The following KMT2D variants were observed in gnomAD, a reference collection of about 807,000 sequenced individuals.
KMT2D encodes the protein lysine methyltransferase 2D, also known as histone-lysine N-methyltransferase 2D.
Under a neutral mutation model 512.7 loss-of-function variants are expected in KMT2D, and 55 were observed. The ratio of observed to expected loss-of-function variants is 0.11; its 90% CI spans 0.09 to 0.13. The LOEUF (loss-of-function observed/expected upper bound fraction) is 0.13. Ranked by LOEUF, KMT2D falls within the 10% of genes least tolerant of loss-of-function variation. KMT2D has a pLI of 1.00. For synonymous variants in KMT2D, 2,995 were observed against 2,904.0 expected (o/e 1.03, Z -1.01); for missense variants, 6,061 against 7,127.9 (o/e 0.85, Z 5.39).
rs376180339 is a variant in KMT2D, at chr12:49,043,368, G to A, written c.5528C>T (p.Thr1843Ile). 3.1e-6 allele frequency: 5 copies of A among 1,613,892 alleles called. No homozygotes were observed. The highest frequency in any genetic ancestry group is 4.5e-5 in the East Asian group (2 of 44,876). Residue 1843 changes from threonine (T) to isoleucine (I), a missense_variant, in exon 25 of 55, where the codon ACA becomes ATA. Thr to Ile is a moderately conservative substitution (Grantham distance 89, BLOSUM62 -1). Transcript: ENST00000301067. ...ESRGLEGKAD[T>I]PGPEDGGVKA... ...GTAACCCCGGCAGCCCTCACCTGGT[G>A]TATCGGCTTTGCCCTCGAGGCCACG... is the stretch of plus-strand genomic sequence containing the variant.
rs746471452 is a variant in KMT2D, at chr12:49,026,307, C to T, written c.15659G>A (p.Arg5220His). The stretch of plus-strand genomic sequence containing the variant: ...ATAGCAGCAGCGACGATTGTTGGTG[C>T]GGAGGCTCCAATAGATGCGCGTGGC... ...YEATRIYWSL[R>H]TNNRRCCYRC... Residue 5220 changes from arginine to histidine, a missense_variant, in exon 49 of 55, where the codon CGC becomes CAC. Transcript: ENST00000301067. This position sits in a 1 kb window ranked among gnomAD's most constrained non-coding sequence, Gnocchi z 9.6. The T allele has an allele frequency of 1.1e-5, 17 of 1,611,966 alleles. No homozygotes were observed. Among genetic ancestry groups the T allele is most frequent in the Middle Eastern group, 1.7e-4 (1 of 6,058 alleles).
Position 49,057,293 on chromosome 12 carries a change from C to T in KMT2D, c.-37-1932G>A, listed in dbSNP as rs140182639. 3.1e-3 allele frequency among the ~76,000 whole-genome samples: 471 copies of T among 152,302 alleles called. 1 individual carries two copies. The highest frequency in any genetic ancestry group is 5.2e-3 in the Non-Finnish European group (351 of 68,036). ...TACATACCCCTAAAGATCCTCTACC[C>T]GCTCTGGTCTCAAAGTTGAGGCCAA... On this transcript the variant is annotated intron_variant, in intron 1 of 54. Coordinates refer to ENST00000301067, the MANE Select transcript of KMT2D (RefSeq NM_003482.4).
In KMT2D at chr12:49,019,081, A is replaced by G; in HGVS notation, c.*2699T>C. 1 of 1,246,476 alleles carries G rather than the reference A, an allele frequency of 8.0e-7. No individual in the cohort carries two copies. The highest frequency in any genetic ancestry group is 1.0e-6 in the Non-Finnish European group (1 of 989,874). The allele number at this position is 1,246,476 out of a possible 1,614,324, so 77.2% of individuals were successfully genotyped here. Reference sequence around the variant, plus strand: ...CTCGCAACATAAATATGTACAGTTCAGAATGATCGCTGATACAAAACATGC... The same window carrying G: ...CTCGCAACATAAATATGTACAGTTCGGAATGATCGCTGATACAAAACATGC... On this transcript the variant is annotated 3_prime_UTR_variant, in exon 55 of 55. Transcript: ENST00000301067.
In KMT2D at chr12:49,027,719, A is replaced by G. The variant is rs563323134; in HGVS notation, c.14643+84T>C. On this transcript the variant is annotated intron_variant, in intron 48 of 54. Transcript: ENST00000301067. The stretch of plus-strand genomic sequence containing the variant: ...ATTCACTCGCCTTGCCTCCCAAAGC[A>G]CTGGGATTACAGATGTGAGCCACCG... 21 of 1,499,590 alleles carry G rather than the reference A, an allele frequency of 1.4e-5. No individual in the cohort carries two copies. The East Asian group carries it at 4.4e-4, about 32-fold the overall frequency. The allele number at this position is 1,499,590 out of a possible 1,614,324, so 92.9% of individuals were successfully genotyped here.
rs894767234 is a variant in KMT2D at position 49,060,282 on chromosome 12, G to A, written c.-707C>T. 3.9e-5 allele frequency among the ~76,000 whole-genome samples: 6 copies of A among 152,102 alleles called. No individual in the cohort carries two copies. Among genetic ancestry groups the A allele is most frequent in the African/African-American group, 9.7e-5 (4 of 41,440 alleles). Reference sequence around the variant, plus strand: ...CTTCTGCTCCCCCCGGGGAAGGGAGGAGGCTAGGTAGGCGAGGAAAAGGAA... The same window carrying A: ...CTTCTGCTCCCCCCGGGGAAGGGAGAAGGCTAGGTAGGCGAGGAAAAGGAA... On this transcript the variant is annotated 5_prime_UTR_variant, in exon 1 of 55. Transcript: ENST00000301067.
rs752443701 is a variant in KMT2D, at chr12:49,046,045, A to C, written c.4693+20T>G. ...TACCCCTGCTCTGACTCCTCCCCCT[A>C]CCCAGCAGCTGGTACTCACCCACAG... is the stretch of plus-strand genomic sequence containing the variant. On this transcript the variant is annotated intron_variant, in intron 18 of 54. Coordinates refer to ENST00000301067, the MANE Select transcript of KMT2D (RefSeq NM_003482.4). This position sits in a 1 kb window ranked among gnomAD's most constrained non-coding sequence, Gnocchi z 4.2. 1.6e-5 allele frequency: 25 copies of C among 1,611,242 alleles called. No individual in the cohort carries two copies. Among genetic ancestry groups the C allele is most frequent in the Admixed American group, 1.2e-4 (7 of 59,572 alleles).
In KMT2D at chr12:49,050,449, G is replaced by A. The variant is rs773682540; in HGVS notation, c.3139C>T (p.Leu1047=). ...AACGGGGAGGGAACGGACAGTGGTA[G>A]GGCAGGAGGAGAGCACTGGGAAGGA... The part of the protein sequence containing the change: ...SPPSQCSPPA[L]PLSVPSPLSP... Residue 1047 remains leucine, a synonymous_variant, in exon 12 of 55, where the codon CTA becomes TTA. Transcript: ENST00000301067. The A allele has an allele frequency of 6.2e-7, 1 of 1,613,996 alleles. No individual in the cohort carries two copies. Among genetic ancestry groups the A allele is most frequent in the Non-Finnish European group, 8.5e-7 (1 of 1,179,862 alleles).
At position 49,047,406 on chromosome 12, in the gene KMT2D, CTTTTTTTTTT is replaced by C. The variant is rs57252968; in HGVS notation, c.4236+549_4236+558del. ...ACCGAATTAGGTCCCCCAGTTTTTC[CTTTTTTTTTT>C]TTTTTTTTTTTTTTTGAGACGGATC... On this transcript the variant is annotated intron_variant, in intron 15 of 54. Coordinates refer to ENST00000301067, the MANE Select transcript of KMT2D (RefSeq NM_003482.4). Among the ~76,000 whole-genome samples the C allele has an allele frequency of 6.5e-3, 615 of 93,934 alleles. 4 individuals are homozygous for C. The highest frequency in any genetic ancestry group is 0.026 in the African/African-American group (574 of 21,792). The allele number at this position is 93,934 out of a possible 152,430, so 61.6% of individuals were successfully genotyped here.
At chr12:49,030,864 A>G in intron 41 of KMT2D, 29 bp downstream of exon 41, 1 of 1,613,350 alleles carries the variant, frequency 6.2e-7, no homozygotes, top group Non-Finnish European at 8.5e-7. Flanking sequence ...CTGGGATGGG[A>G]CCAGGGGGAC....
rs759354387 is a variant in KMT2D at position 49,043,097 on chromosome 12, A to G, written c.5623T>C (p.Leu1875=). 3 of 1,613,864 alleles carry G rather than the reference A, an allele frequency of 1.9e-6. No homozygotes were observed. The Admixed American group carries it at 5.0e-5, about 27-fold the overall frequency. The stretch of plus-strand genomic sequence containing the variant: ...TCACCTTCTGTGGAAATCCTGTCTA[A>G]GTCAGAGCTAAGCATCCCTTCACCT... ...TPGEGMLSSD[L]DRISTEELPK... The change falls in exon 26 of 55, where the codon TTA becomes CTA. Residue 1875 remains leucine, a synonymous_variant. Transcript: ENST00000301067.
chr12:49,046,134 C>T lies in KMT2D; in HGVS notation c.4624G>A (p.Asp1542Asn), dbSNP rs1433378692. The T allele has an allele frequency of 3.1e-6, 5 of 1,610,818 alleles. No individual in the cohort carries two copies. The highest frequency in any genetic ancestry group is 3.4e-5 in the Admixed American group (2 of 59,474). The change falls in exon 18 of 55, where the codon GAT becomes AAT. Residue 1542 changes from aspartate to asparagine, a missense_variant. Asp to Asn is a conservative substitution (Grantham distance 23). Around this residue, in one of 16 missense-constraint regions of KMT2D, gnomAD observed 640 missense variants for 814.3 expected, o/e 0.79. Transcript: ENST00000301067. The surrounding 1 kb of genome is among the most constrained non-coding windows in gnomAD (Gnocchi z 4.2). ...AGCESLFTED[D>N]VEQAADEGFD... ...CCTTCATCGGCTGCCTGCTCCACAT[C>T]GTCCTCTGTGAAGAGGCTCTCACAG...
At position 49,037,375 on chromosome 12, in the gene KMT2D, C is replaced by T. The variant is rs376211722; in HGVS notation, c.9981G>A (p.Gln3327=). The change falls in exon 35 of 55, where the codon CAG becomes CAA. Residue 3327 remains glutamine, a synonymous_variant. Transcript: ENST00000301067. ...LAGARQPGLP[Q]PLMPTQPPAH... is the part of the protein sequence containing the mutation. ...CTGGTGGCTGGGTGGGCATCAGTGG[C>T]TGGGGCAAACCTGGCTGTCGGGCAC... 12 of 1,609,842 alleles carry T rather than the reference C, an allele frequency of 7.5e-6. No homozygotes were observed. Among genetic ancestry groups the T allele is most frequent in the Admixed American group, 1.7e-5 (1 of 59,388 alleles).
Position 49,039,952 on chromosome 12 carries a change from C to G in KMT2D, c.7818G>C (p.Gly2606=), listed in dbSNP as rs370261310. 3 of 1,613,894 alleles carry G rather than the reference C, an allele frequency of 1.9e-6. No homozygotes were observed. Among genetic ancestry groups the G allele is most frequent in the South Asian group, 2.2e-5 (2 of 91,064 alleles). The part of the protein sequence containing the change: ...PSSGSTGESY[G]LSPLRPPSVL... ...CCGACGGAGGGCGTAGTGGGGACAGCCCATAGCTCTCCCCTGTGGACCCGC... is the reference window on the plus strand; with the variant it reads ...CCGACGGAGGGCGTAGTGGGGACAGGCCATAGCTCTCCCCTGTGGACCCGC... Residue 2606 remains glycine (G), a synonymous_variant, in exon 32 of 55, where the codon GGG becomes GGC. Transcript: ENST00000301067. The surrounding 1 kb of genome is among the most constrained non-coding windows in gnomAD (Gnocchi z 5.0).
At position 49,043,373 on chromosome 12, in the gene KMT2D, G is replaced by C. The variant is rs202165318; in HGVS notation, c.5523C>G (p.Ala1841=). 4 of 1,613,800 alleles carry C rather than the reference G, an allele frequency of 2.5e-6. No homozygotes were observed. The highest frequency in any genetic ancestry group is 3.4e-6 in the Non-Finnish European group (4 of 1,179,844). The change falls in exon 25 of 55, where the codon GCC becomes GCG. Residue 1841 remains alanine (A), a synonymous_variant. Coordinates refer to ENST00000301067, the MANE Select transcript of KMT2D (RefSeq NM_003482.4). ...DEESRGLEGK[A]DTPGPEDGGV... ...CCCGGCAGCCCTCACCTGGTGTATC[G>C]GCTTTGCCCTCGAGGCCACGGGATT...
At position 49,051,153 on chromosome 12, in the gene KMT2D, G is replaced by T. The variant is rs1196290590; in HGVS notation, c.2530C>A (p.Pro844Thr). 1 of 1,519,054 alleles carries T rather than the reference G, an allele frequency of 6.6e-7. No individual in the cohort carries two copies. Among genetic ancestry groups the T allele is most frequent in the Admixed American group, 2.2e-5 (1 of 45,514 alleles). The allele number at this position is 1,519,054 out of a possible 1,614,324, so 94.1% of individuals were successfully genotyped here. A position where few individuals can be genotyped will look rare whatever the true frequency, so the allele number is the denominator to read the frequency against. Reference protein sequence around the residue: ...SPQSEEPCLSPRPEESHLSPE... With the variant: ...SPQSEEPCLSTRPEESHLSPE... ...GACAGATGCGATTCCTCAGGCCGGG[G>T]GGACAGGCATGGCTCCTCAGACTGG... Residue 844 changes from proline (P) to threonine (T), a missense_variant, in exon 11 of 55, where the codon CCC becomes ACC. Pro to Thr is a conservative substitution (Grantham distance 38). Coordinates refer to ENST00000301067, the MANE Select transcript of KMT2D (RefSeq NM_003482.4).
Position 49,019,237 on chromosome 12 carries a change from T to A in KMT2D, c.*2543A>T. On this transcript the variant is annotated 3_prime_UTR_variant, in exon 55 of 55. Transcript: ENST00000301067. ...ACACAAAATAAAGTCTTCACGGGAT[T>A]CACACTTGTCAGCGATTTATTTTTT... 1 of 887,860 alleles carries A rather than the reference T, an allele frequency of 1.1e-6. No individual in the cohort carries two copies. Among genetic ancestry groups the A allele is most frequent in the Non-Finnish European group, 1.4e-6 (1 of 716,972 alleles). The allele number at this position is 887,860 out of a possible 1,614,324, so 55.0% of individuals were successfully genotyped here. A position where few individuals can be genotyped will look rare whatever the true frequency, so the allele number is the denominator to read the frequency against.
rs774475408 is a variant in KMT2D, at chr12:49,050,799, A to G, written c.2798-9T>C. 1 of 1,591,756 alleles carries G rather than the reference A, an allele frequency of 6.3e-7. No homozygotes were observed. Among genetic ancestry groups the G allele is most frequent in the Non-Finnish European group, 8.6e-7 (1 of 1,166,058 alleles). On this transcript the variant is annotated splice_polypyrimidine_tract_variant and intron_variant, in intron 11 of 54. Coordinates refer to ENST00000301067, the MANE Select transcript of KMT2D (RefSeq NM_003482.4). ...TGGAGGAGGAAGGGGATCTGGAAGG[A>G]AAGAGAAAAAAGAAGGGCTCTTAGA...
In KMT2D at chr12:49,027,083, G is replaced by A. The variant is rs770276955; in HGVS notation, c.14883C>T (p.Pro4961=). 5.8e-5 allele frequency: 93 copies of A among 1,612,018 alleles called. No homozygotes were observed. In the East Asian group the frequency reaches 1.9e-3, roughly 32 times the overall value. ...CTTCAGGGGGCCGGGCACGGGGCTT[G>A]GGTCGGGCTGATTCAGGGGATGAGG... ...PLASSPESAR[P]KPRARPPEEG... Residue 4961 remains proline, a synonymous_variant, in exon 49 of 55, where the codon CCC becomes CCT. Coordinates refer to ENST00000301067, the MANE Select transcript of KMT2D (RefSeq NM_003482.4).
rs1281390877 is a variant in KMT2D at position 49,032,897 on chromosome 12, C to CTGTTGCTGCTGT, written c.11796_11807dup (p.Gln3936_Gln3939dup). The CTGTTGCTGCTGT allele has an allele frequency of 1.9e-6, 3 of 1,549,832 alleles. No homozygotes were observed. The East Asian group carries it at 7.3e-5, about 38-fold the overall frequency. On this transcript the variant is annotated inframe_insertion, in exon 40 of 55. Transcript: ENST00000301067. Reference sequence around the variant, plus strand: ...GCTGCTGTTGTTGAAGCTGCTGCTGCTGTTGCTGCTGTTGAAGCTGTTGCT... The same window carrying CTGTTGCTGCTGT: ...GCTGCTGTTGTTGAAGCTGCTGCTGCTGTTGCTGCTGTTGTTGCTGCTGTTGAAGCTGTTGCT...
Sources: allele counts gnomAD v4.1 joint callset (sites outside exome capture counted in the v4.1 genomes callset), GRCh38; gene constraint gnomAD v4.1.1; regional missense constraint gnomAD v4.1.1; non-coding constraint Gnocchi (gnomAD v3.1); transcripts MANE v1.5; gene names NCBI Gene and HGNC (gene_info 2026-07-23, HGNC 2026-07-21).